SV2B: variants seen among roughly 807,000 people sequenced by gnomAD.
The protein encoded by SV2B is solute carrier family 22 member B2.
Under a neutral mutation model 73.9 loss-of-function variants are expected in SV2B, and 41 were observed. That is an observed-to-expected ratio of 0.56 (90% confidence interval 0.43 to 0.72). The LOEUF is 0.72. SV2B is among the 30% of genes least tolerant of loss of function. The pLI, the probability that SV2B is intolerant of heterozygous loss-of-function variation, is 0.00. For missense variants in SV2B, 764 were observed against 857.8 expected (o/e 0.89, Z 1.37); for synonymous variants, 314 against 314.2 (o/e 1.00, Z 0.01).
At chr15:91,191,063 C>CTTTTCTTTTTTTTTTT (rs2044996046) in intron 1 of SV2B, among the ~76,000 whole-genome samples, 1 of 64,238 alleles carries the variant, frequency 1.6e-5, no homozygotes, top group Non-Finnish European at 3.1e-5. Flanking sequence ...TTTGGTGTTT[C>CTTTTCTTTTTTTTTTT]TTTTTTTTTT....
intron 1 of SV2B, among the ~76,000 whole-genome samples, chr15:91,146,278 A>T (rs2043144211): frequency 6.6e-6 from 1 of 152,150 alleles, no homozygotes; most frequent in African/African-American, 2.4e-5. Context: ...TGAAGATCAG[A>T]TAGTTATAGG....
At chr15:91,199,507 C>T (rs955862668) in intron 1 of SV2B, among the ~76,000 whole-genome samples, 1 of 152,214 alleles carries the variant, frequency 6.6e-6, no homozygotes, top group Admixed American at 6.5e-5. Flanking sequence ...TTGTTAAATG[C>T]CGCTTTGCTA....
chr15:91,226,317 C>T lies in SV2B; in HGVS notation c.54C>T (p.Gly18=), dbSNP rs147933433. Residue 18 remains glycine (G), a synonymous_variant, in exon 2 of 13, where the codon GGC becomes GGT. Transcript: ENST00000394232. ...DNYGGYAPSD[G]YYRGNESNPE... The stretch of plus-strand genomic sequence containing the variant: ...ATGGGGGCTATGCTCCCAGTGATGG[C>T]TATTACCGCGGCAATGAGTCCAACC... The T allele has an allele frequency of 1.4e-5, 22 of 1,614,138 alleles. No individual in the cohort carries two copies. The Admixed American group carries it at 3.7e-4, about 27-fold the overall frequency.
intron 1 of SV2B, among the ~76,000 whole-genome samples, chr15:91,111,359 G>C (rs2042029864): frequency 6.6e-6 from 1 of 152,192 alleles, no homozygotes; most frequent in African/African-American, 2.4e-5. Context: ...CTTTGAGATG[G>C]TGCAGGGCAA....
chr15:91,203,357 T>C (rs2045525735), intron 1 of SV2B, among the ~76,000 whole-genome samples: 1 of 152,332 alleles, frequency 6.6e-6, no homozygotes, highest in South Asian at 2.1e-4. Flanking sequence ...TCAGCAGGCA[T>C]GAGCCTGGTA....
At position 91,294,486 on chromosome 15, in the gene SV2B, C is replaced by T. The variant is rs2049152271; in HGVS notation, c.*1934C>T. On this transcript the variant is annotated 3_prime_UTR_variant, in exon 13 of 13. Coordinates refer to ENST00000394232, the MANE Select transcript of SV2B (RefSeq NM_001323032.3). The surrounding 1 kb of genome is among the most constrained non-coding windows in gnomAD (Gnocchi z 4.1). ...TACCACTGTGTATTAATCTTTCTCT[C>T]AGTGTTTTATAGGAGTACTAACATT... 6.9e-6 allele frequency: 1 copy of T among 145,138 alleles called. No homozygotes were observed. Among genetic ancestry groups the T allele is most frequent in the Middle Eastern group, 3.2e-3 (1 of 312 alleles). The allele number at this position is 145,138 out of a possible 1,614,324, so 9.0% of individuals were successfully genotyped here.
intron 1 of SV2B, among the ~76,000 whole-genome samples, chr15:91,192,376 G>A (rs554412782): frequency 3.2e-4 from 48 of 152,306 alleles, no homozygotes; most frequent in African/African-American, 1.1e-3. Flanking sequence ...TAGGATTTCT[G>A]TTCCTTTCTC....
chr15:91,278,610 C>T (rs963207564), intron 9 of SV2B, among the ~76,000 whole-genome samples: 12 of 119,286 alleles, frequency 1.0e-4, no homozygotes, highest in East Asian at 2.2e-4. Context: ...ACCCGGGAAG[C>T]GGAGCTTGCA....
intron 1 of SV2B, among the ~76,000 whole-genome samples, chr15:91,179,838 C>T (rs570099991): frequency 6.6e-6 from 1 of 151,928 alleles, no homozygotes; most frequent in South Asian, 2.1e-4. Flanking sequence ...GGTCTTGACT[C>T]TTTATCCAAT....
chr15:91,268,456 A>C lies in SV2B; in HGVS notation c.1224A>C (p.Thr408=), dbSNP rs1488621652. 2 of 1,613,732 alleles carry C rather than the reference A, an allele frequency of 1.2e-6. No individual in the cohort carries two copies. Among genetic ancestry groups the C allele is most frequent in the South Asian group, 1.1e-5 (1 of 91,054 alleles). The change falls in exon 9 of 13, where the codon ACA becomes ACC. Residue 408 remains threonine, a synonymous_variant. Transcript: ENST00000394232. This position sits in a 1 kb window ranked among gnomAD's most constrained non-coding sequence, Gnocchi z 4.4. The stretch of plus-strand genomic sequence containing the variant: ...TCCACTCCAGTTACTATGGACTGAC[A>C]GTTTGGTTTCCTGATATGATCCGCT... ...FAMAFSYYGL[T]VWFPDMIRYF... is the part of the protein sequence containing the mutation.
rs112269366 is a variant in SV2B, at chr15:91,265,700, G to A, written c.1009-882G>A. 1.5e-3 allele frequency among the ~76,000 whole-genome samples: 228 copies of A among 152,306 alleles called. 2 individuals carry two copies. Among genetic ancestry groups the A allele is most frequent in the African/African-American group, 5.3e-3 (220 of 41,556 alleles). On this transcript the variant is annotated intron_variant, in intron 6 of 12. Coordinates refer to ENST00000394232, the MANE Select transcript of SV2B (RefSeq NM_001323032.3). This position sits in a 1 kb window ranked among gnomAD's most constrained non-coding sequence, Gnocchi z 4.2. ...TGTTAGTTCTGAAGCTTCTCTGTCT[G>A]ACCTCAGGCGGAAGATCATTTGCAA...
intron 1 of SV2B, among the ~76,000 whole-genome samples, chr15:91,212,590 T>TA (rs1296791382): frequency 1.3e-5 from 2 of 152,178 alleles, no homozygotes; most frequent in Non-Finnish European, 2.9e-5. Context: ...TTGCTTACAG[T>TA]AAGTGCTCTT....
rs979426812 is a variant in SV2B at position 91,141,077 on chromosome 15, C to G, written c.-392+40714C>G. Among the ~76,000 whole-genome samples the G allele has an allele frequency of 1.3e-5, 2 of 152,210 alleles. No individual in the cohort carries two copies. Among genetic ancestry groups the G allele is most frequent in the African/African-American group, 4.8e-5 (2 of 41,456 alleles). On this transcript the variant is annotated intron_variant, in intron 1 of 12. Transcript: ENST00000394232. This position sits in a 1 kb window ranked among gnomAD's most constrained non-coding sequence, Gnocchi z 4.6. ...TAGCTAAGAGTGGCATAGGATCACACTGTTTCTTAAACCCCACTTCTGGAA... is the reference window on the plus strand; with the variant it reads ...TAGCTAAGAGTGGCATAGGATCACAGTGTTTCTTAAACCCCACTTCTGGAA...
intron 2 of SV2B, among the ~76,000 whole-genome samples, chr15:91,237,796 T>C (rs1217086298): frequency 6.6e-6 from 1 of 152,218 alleles, no homozygotes; most frequent in African/African-American, 2.4e-5. Context: ...TTTGCGATGA[T>C]GTTTGGAATA....
At chr15:91,249,068 TCACACACACACACACACA>T (rs59552488) in intron 2 of SV2B, among the ~76,000 whole-genome samples, 44 of 142,118 alleles carry the variant, frequency 3.1e-4, no homozygotes, top group African/African-American at 1.1e-3. Context: ...ATCTACGTTT[TCACACACACACACACACA>T]CACACACACA....
intron 1 of SV2B, among the ~76,000 whole-genome samples, chr15:91,113,292 C>G (rs2042087860): frequency 6.6e-6 from 1 of 152,218 alleles, no homozygotes; most frequent in Admixed American, 6.5e-5. Context: ...GAAAGGTGTG[C>G]TCTTCCAGGC....
intron 2 of SV2B, among the ~76,000 whole-genome samples, chr15:91,244,782 T>C (rs2047159652): frequency 6.6e-6 from 1 of 152,136 alleles, no homozygotes; most frequent in Non-Finnish European, 1.5e-5. Context: ...GAGTAATAAA[T>C]AAATGGAATG....
chr15:91,154,106 T>C (rs1393581622), intron 1 of SV2B, among the ~76,000 whole-genome samples: 1 of 148,038 alleles, frequency 6.8e-6, no homozygotes, highest in Non-Finnish European at 1.5e-5. Context: ...ATTTATAATA[T>C]AAATTATTTT....
rs2042557075 is a variant in SV2B, at chr15:91,128,650, C to T, written c.-392+28287C>T. 1 of 152,270 alleles carries T rather than the reference C, an allele frequency of 6.6e-6. No individual in the cohort carries two copies. Among genetic ancestry groups the T allele is most frequent in the Admixed American group, 6.5e-5 (1 of 15,276 alleles). The allele number at this position is 152,270 out of a possible 1,614,324, so 9.4% of individuals were successfully genotyped here. ...AGCCATAAAACCTAAAAATACTACT[C>T]CCACTTCCCTCTGCCTTTCTGTGTA... On this transcript the variant is annotated intron_variant, in intron 1 of 12. Transcript: ENST00000394232. The surrounding 1 kb of genome is among the most constrained non-coding windows in gnomAD (Gnocchi z 4.2).
Sources: gnomAD v4.1 joint callset for allele counts (sites outside exome capture counted in the v4.1 genomes callset) on GRCh38, gnomAD v4.1.1 for gene constraint, Gnocchi (gnomAD v3.1) non-coding constraint, MANE v1.5 for transcripts, NCBI Gene and HGNC (gene_info 2026-07-23, HGNC 2026-07-21) for gene names.